Variants in EPB41L3 observed in about 807,000 individuals in gnomAD.
EPB41L3 encodes the protein erythrocyte membrane protein band 4.1 like 3.
In EPB41L3, 57 loss-of-function variants were observed where a neutral mutation model predicts 127.1. The ratio of observed to expected loss-of-function variants is 0.45; its 90% CI spans 0.36 to 0.56. The LOEUF is 0.56. EPB41L3 is among the 20% of genes least tolerant of loss of function. The pLI is 0.00. For missense variants in EPB41L3, 1,273 were observed against 1,372.2 expected (o/e 0.93, Z 1.14); for synonymous variants, 572 against 549.5 (o/e 1.04, Z -0.57).
chr18:5,562,722 C>G (rs932599304), intron 3 of EPB41L3, among the ~76,000 whole-genome samples: 4 of 152,204 alleles, frequency 2.6e-5, no homozygotes, highest in Non-Finnish European at 5.9e-5. Flanking sequence ...CTGTATGTGA[C>G]AGCCACTAGC....
At chr18:5,539,251 TCTC>T in intron 1 of EPB41L3, among the ~76,000 whole-genome samples, 1 of 1,068 alleles carries the variant, frequency 9.4e-4, no homozygotes, top group African/African-American at 1.1e-3. Flanking sequence ...TTCTGCTTTC[TCTC>T]TCTCTCTCTC....
intron 15 of EPB41L3, 77 bp downstream of exon 15, chr18:5,407,624 C>T (rs372776220): frequency 2.1e-5 from 31 of 1,471,324 alleles, no homozygotes; most frequent in South Asian, 3.5e-5. Context: ...AAGATCTGAA[C>T]GCTGTAGACA....
intron 2 of EPB41L3, chr18:5,479,951 T>C (rs1599538929): frequency 6.8e-6 from 1 of 146,182 alleles, no homozygotes; most frequent in Non-Finnish European, 1.5e-5. Flanking sequence ...TCAACAACAA[T>C]AACATATTCA....
chr18:5,500,294 G>A (rs2091625763), intron 1 of EPB41L3, among the ~76,000 whole-genome samples: 2 of 151,996 alleles, frequency 1.3e-5, no homozygotes, highest in Non-Finnish European at 2.9e-5. Flanking sequence ...AGATATCTTT[G>A]GCACCTTAAT....
At chr18:5,581,866 C>T (rs1253692583) in intron 3 of EPB41L3, among the ~76,000 whole-genome samples, 2 of 151,990 alleles carry the variant, frequency 1.3e-5, no homozygotes, top group Non-Finnish European at 2.9e-5. Context: ...AGCCTGGTGG[C>T]ATGCACTGTA....
chr18:5,411,393 CAGAG>C (rs1286124364), intron 13 of EPB41L3, among the ~76,000 whole-genome samples: 1 of 151,984 alleles, frequency 6.6e-6, no homozygotes, highest in Non-Finnish European at 1.5e-5. Flanking sequence ...AAACAATAGA[CAGAG>C]AAAGAGAAAG....
chr18:5,412,897 AATT>A (rs2076375021), intron 13 of EPB41L3, among the ~76,000 whole-genome samples: 2 of 152,052 alleles, frequency 1.3e-5, no homozygotes, highest in Admixed American at 6.5e-5. Flanking sequence ...TGCCTATAAC[AATT>A]ATATTATATA....
chr18:5,548,248 CTGAAATAAAAATTCAT>C (rs2093912950), upstream of EPB41L3, among the ~76,000 whole-genome samples: 1 of 152,190 alleles, frequency 6.6e-6, no homozygotes, highest in Non-Finnish European at 1.5e-5. Flanking sequence ...GCTTATTCTT[CTGAAATAAAAATTCAT>C]TGAAGAGTTT....
At chr18:5,472,985 G>A (rs2086441132) in intron 3 of EPB41L3, among the ~76,000 whole-genome samples, 1 of 152,126 alleles carries the variant, frequency 6.6e-6, no homozygotes, top group Non-Finnish European at 1.5e-5. Context: ...GACCGTTTCT[G>A]TACTTCAGAT....
chr18:5,478,933 C>A (rs987524678), intron 2 of EPB41L3, among the ~76,000 whole-genome samples: 4 of 152,180 alleles, frequency 2.6e-5, no homozygotes, highest in Non-Finnish European at 5.9e-5. Flanking sequence ...AGTACTTTTA[C>A]AACTGTTAAA....
At chr18:5,620,791 A>G (rs981295323) in intron 1 of EPB41L3, among the ~76,000 whole-genome samples, 5 of 152,262 alleles carry the variant, frequency 3.3e-5, no homozygotes, top group Non-Finnish European at 7.4e-5. Context: ...ACCCAGGTAA[A>G]GAGAAAAGGA....
At chr18:5,445,057 T>C (rs920693024) in intron 4 of EPB41L3, 83 bp downstream of exon 4, 54 of 970,420 alleles carry the variant, frequency 5.6e-5, no homozygotes, top group Admixed American at 3.5e-5. Context: ...GAGAAAGTGA[T>C]CCACCCATTC....
At chr18:5,618,023 T>C (rs2094817982) in intron 1 of EPB41L3, among the ~76,000 whole-genome samples, 1 of 152,174 alleles carries the variant, frequency 6.6e-6, no homozygotes, top group African/African-American at 2.4e-5. Flanking sequence ...CCAAAATCTG[T>C]TCATAACATA....
At chr18:5,561,103 G>C (rs368046693) in intron 3 of EPB41L3, among the ~76,000 whole-genome samples, 1 of 148,314 alleles carries the variant, frequency 6.7e-6, no homozygotes, top group Non-Finnish European at 1.5e-5. Flanking sequence ...TCAGCCTCCC[G>C]AGTAGCTGGG....
chr18:5,459,800 CCTT>C (rs770559412), intron 3 of EPB41L3, among the ~76,000 whole-genome samples: 3 of 152,246 alleles, frequency 2.0e-5, no homozygotes, highest in Admixed American at 6.5e-5. Flanking sequence ...CAAAATGTAT[CCTT>C]TTTTTCTAAA....
At position 5,478,234 on chromosome 18, in the gene EPB41L3, C is replaced by T. The variant is rs1460530142; in HGVS notation, c.381+7G>A. ...TAGGACAGAAAAGTCTTAAGACACA[C>T]ACTTACCTCTACATCACAGGTATAT... On this transcript the variant is annotated splice_region_variant and intron_variant, in intron 3 of 22. Coordinates refer to ENST00000341928, the MANE Select transcript of EPB41L3 (RefSeq NM_012307.5). 3 of 1,613,036 alleles carry T rather than the reference C, an allele frequency of 1.9e-6. No homozygotes were observed. The highest frequency in any genetic ancestry group is 1.7e-5 in the Admixed American group (1 of 60,016).
chr18:5,514,023 G>A, intron 1 of EPB41L3, among the ~76,000 whole-genome samples: 2 of 152,240 alleles, frequency 1.3e-5, no homozygotes, highest in South Asian at 4.1e-4. Flanking sequence ...TACTACAGAG[G>A]CCAAAGCATA....
At chr18:5,399,037 T>C (rs930487258) in intron 16 of EPB41L3, 4 of 399,096 alleles carry the variant, frequency 1.0e-5, no homozygotes, top group African/African-American at 2.1e-5. Flanking sequence ...ATGATCTTCA[T>C]GGACTCTGGT....
At chr18:5,395,889 T>C (rs1377467699) in intron 19 of EPB41L3, among the ~76,000 whole-genome samples, 182 bp from the exon 20 acceptor site, 1 of 152,178 alleles carries the variant, frequency 6.6e-6, no homozygotes, top group Non-Finnish European at 1.5e-5. Context: ...GTAACTGTCA[T>C]TAAAAAAACT....
Sources: gnomAD v4.1 joint callset for allele counts (sites outside exome capture counted in the v4.1 genomes callset) on GRCh38, gnomAD v4.1.1 for gene constraint, MANE v1.5 for transcripts, NCBI Gene and HGNC (gene_info 2026-07-23, HGNC 2026-07-21) for gene names.